Variants in PTPRT observed in about 807,000 individuals in gnomAD.
PTPRT encodes protein tyrosine phosphatase receptor type T.
In PTPRT, 56 loss-of-function variants were observed where a neutral mutation model predicts 176.8. The ratio of observed to expected loss-of-function variants is 0.32; its 90% CI spans 0.26 to 0.40. The LOEUF (loss-of-function observed/expected upper bound fraction) is 0.40, where lower values mean the gene tolerates loss of function less well. Ranked by LOEUF, PTPRT falls within the 10% of genes least tolerant of loss-of-function variation. The pLI, the probability that PTPRT is intolerant of heterozygous loss-of-function variation, is 1.00. For synonymous variants in PTPRT, 783 were observed against 739.0 expected (o/e 1.06, Z -0.96); for missense variants, 1,540 against 1,908.2 (o/e 0.81, Z 3.60).
At chr20:42,873,665 TG>T in intron 2 of PTPRT, among the ~76,000 whole-genome samples, 1 of 151,634 alleles carries the variant, frequency 6.6e-6, no homozygotes, top group South Asian at 2.1e-4. Context: ...ATTAATAAGA[TG>T]TTTTTACATG....
rs373081648 is a variant in PTPRT, at chr20:42,187,198, C to T, written c.2491+12042G>A. ...AGTCATATAACTATTATCTGTGTTC[C>T]CTATTTCATGGGCTTTTTGAGAGTA... On this transcript the variant is annotated intron_variant, in intron 16 of 30. Coordinates refer to ENST00000373187, the MANE Select transcript of PTPRT (RefSeq NM_007050.6). Among the ~76,000 whole-genome samples, 5 of 152,218 alleles carry T rather than the reference C, an allele frequency of 3.3e-5. No homozygotes were observed. In the East Asian group the frequency reaches 5.8e-4, roughly 18 times the overall value.
chr20:43,162,814 A>T (rs1287896554), intron 1 of PTPRT, among the ~76,000 whole-genome samples: 2 of 152,102 alleles, frequency 1.3e-5, no homozygotes, highest in Non-Finnish European at 2.9e-5. Flanking sequence ...TCTGCTCCCC[A>T]TCTCACTACT....
intron 2 of PTPRT, 132 bp downstream of exon 2, chr20:42,885,675 G>T: frequency 8.6e-7 from 1 of 1,160,010 alleles, no homozygotes; most frequent in East Asian, 2.9e-5. Context: ...TCTGAGTGTG[G>T]GGAACTCACT....
At position 42,315,970 on chromosome 20, in the gene PTPRT, T is replaced by A; in HGVS notation, c.1892A>T (p.Glu631Val). The change falls in exon 12 of 31, where the codon GAG becomes GTG. Residue 631 changes from glutamate to valine, a missense_variant. Glu to Val is a moderately radical substitution (Grantham distance 121, BLOSUM62 -2). Transcript: ENST00000373187. ...TGCCCTCCGTGACTTCTGAAGTCGC[T>A]CCTCCTTGACAACCAGCTGATAAAC... ...VSVYQLVVKE[E>V]RLQKSRRAAD... 1 of 1,613,934 alleles carries A rather than the reference T, an allele frequency of 6.2e-7. No homozygotes were observed. The highest frequency in any genetic ancestry group is 8.5e-7 in the Non-Finnish European group (1 of 1,179,954).
At chr20:42,143,284 G>C (rs1443533111) in intron 17 of PTPRT, among the ~76,000 whole-genome samples, 4 of 152,092 alleles carry the variant, frequency 2.6e-5, no homozygotes, top group Non-Finnish European at 5.9e-5. Flanking sequence ...GGCCAGGCGC[G>C]ATGGCTCAAG....
chr20:42,997,855 A>G (rs780609945), intron 1 of PTPRT, among the ~76,000 whole-genome samples: 81 of 152,112 alleles, frequency 5.3e-4, no homozygotes, highest in Admixed American at 1.1e-3. Context: ...CTCACTTCAT[A>G]TTATGCTGAG....
At chr20:42,068,417 T>A (rs554355961), downstream of PTPRT, among the ~76,000 whole-genome samples, 90 of 152,326 alleles carry the variant, frequency 5.9e-4, 2 homozygotes, top group Admixed American at 5.8e-3. Flanking sequence ...CTCTTACCAC[T>A]CCCTTCCTCT....
intron 7 of PTPRT, among the ~76,000 whole-genome samples, chr20:42,641,403 A>G (rs145585649): frequency 4.6e-5 from 7 of 152,286 alleles, no homozygotes; most frequent in Non-Finnish European, 8.8e-5. Flanking sequence ...TTGAAGAATT[A>G]TAGGTCTGCA....
intron 4 of PTPRT, among the ~76,000 whole-genome samples, chr20:42,776,901 C>T (rs1391497196): frequency 6.6e-6 from 1 of 150,598 alleles, no homozygotes; most frequent in Non-Finnish European, 1.5e-5. Flanking sequence ...CATATAATTA[C>T]TTTATTTGTT....
At chr20:42,465,817 G>C (rs545292524) in intron 8 of PTPRT, among the ~76,000 whole-genome samples, 2 of 152,252 alleles carry the variant, frequency 1.3e-5, no homozygotes, top group South Asian at 2.1e-4. Context: ...AGGAACTGCA[G>C]GTTTGTTACA....
rs1569037928 is a variant in PTPRT at position 42,633,984 on chromosome 20, ATTATATTATATATATTATATAT to A, written c.1153+43860_1153+43881del. ...TATAATATATTATAATATATTATAT[ATTATATTATATATATTATATAT>A]ATATAATATATATATAATATATATA... On this transcript the variant is annotated intron_variant, in intron 7 of 30. Coordinates refer to ENST00000373187, the MANE Select transcript of PTPRT (RefSeq NM_007050.6). Among the ~76,000 whole-genome samples the A allele has an allele frequency of 4.3e-3, 144 of 33,138 alleles. 2 individuals are homozygous for A. Among genetic ancestry groups the A allele is most frequent in the Non-Finnish European group, 7.1e-3 (132 of 18,664 alleles). The allele number at this position is 33,138 out of a possible 152,430, so 21.7% of individuals were successfully genotyped here.
At chr20:42,527,833 G>A (rs2072305981) in intron 7 of PTPRT, among the ~76,000 whole-genome samples, 1 of 152,174 alleles carries the variant, frequency 6.6e-6, no homozygotes, top group East Asian at 1.9e-4. Flanking sequence ...TTTCCAATAG[G>A]CAGTTTAGCT....
intron 6 of PTPRT, among the ~76,000 whole-genome samples, chr20:42,755,230 C>A (rs1425954348): frequency 1.3e-5 from 2 of 152,180 alleles, no homozygotes; most frequent in Non-Finnish European, 2.9e-5. Context: ...TCAAGACAGC[C>A]AGCATAGAGA....
intron 15 of PTPRT, among the ~76,000 whole-genome samples, chr20:42,226,831 C>T (rs1013681658): frequency 1.3e-5 from 2 of 152,064 alleles, no homozygotes; most frequent in Non-Finnish European, 2.9e-5. Context: ...TCTTCAGCTC[C>T]CCCAAGCAGG....
chr20:42,052,339 G>T, the PTPRT span, among the ~76,000 whole-genome samples: 1 of 152,200 alleles, frequency 6.6e-6, no homozygotes, highest in African/African-American at 2.4e-5. Flanking sequence ...GGCTGATAAG[G>T]CAGGTAGCTG....
chr20:42,502,554 A>C (rs561680178), intron 7 of PTPRT, among the ~76,000 whole-genome samples: 2 of 152,164 alleles, frequency 1.3e-5, no homozygotes, highest in African/African-American at 4.8e-5. Context: ...TGCAGTTTTC[A>C]CTAAAACTTC....
intron 13 of PTPRT, among the ~76,000 whole-genome samples, chr20:42,259,241 A>G (rs559894922): frequency 3.9e-5 from 6 of 152,222 alleles, no homozygotes; most frequent in Non-Finnish European, 8.8e-5. Flanking sequence ...TACACACACC[A>G]GGAAAGACGG....
At chr20:43,003,916 TC>T (rs1316396838) in intron 1 of PTPRT, among the ~76,000 whole-genome samples, 1 of 152,172 alleles carries the variant, frequency 6.6e-6, no homozygotes, top group Non-Finnish European at 1.5e-5. Context: ...GCAAAAAGAA[TC>T]CAACACTTCA....
intron 2 of PTPRT, among the ~76,000 whole-genome samples, chr20:42,852,855 C>T (rs982631038): frequency 3.3e-5 from 5 of 152,090 alleles, no homozygotes; most frequent in African/African-American, 1.2e-4. Flanking sequence ...GAAACCTAGA[C>T]CTCCCTAGAG....
Sources: allele counts gnomAD v4.1 joint callset (sites outside exome capture counted in the v4.1 genomes callset), GRCh38; gene constraint gnomAD v4.1.1; transcripts MANE v1.5; gene names NCBI Gene and HGNC (gene_info 2026-07-23, HGNC 2026-07-21).